The following ADARB1 variants were observed in gnomAD, a reference collection of about 807,000 sequenced individuals.
ADARB1 encodes double-stranded RNA-specific editase 1.
In ADARB1, 10 loss-of-function variants were observed where a neutral mutation model predicts 52.4. The observed-to-expected ratio is 0.19, with a 90% CI of 0.12 to 0.32. The LOEUF is 0.32. ADARB1 is among the 10% of genes least tolerant of loss of function. The pLI is 1.00. For synonymous variants in ADARB1, 349 were observed against 371.1 expected, an observed-to-expected ratio of 0.94 and a Z score of 0.68; for missense variants, 643 against 922.3, an observed-to-expected ratio of 0.70 and a Z score of 3.92.
chr21:45,170,318 G>A (rs2091429753), intron 2 of ADARB1, among the ~76,000 whole-genome samples: 1 of 152,280 alleles, frequency 6.6e-6, no homozygotes, highest in Middle Eastern at 3.4e-3. Flanking sequence ...AGCTGTTCAG[G>A]CAGTATTTAC....
chr21:45,185,229 A>C, intron 8 of ADARB1, 138 bp downstream of exon 8: 1 of 1,193,504 alleles, frequency 8.4e-7, no homozygotes, highest in Non-Finnish European at 1.2e-6. Flanking sequence ...TCTTTGAAGG[A>C]CTGAGGTTCT....
chr21:45,175,594 G>GTATACATGAAGAGT, intron 3 of ADARB1, 136 bp from the exon 4 acceptor site: 1 of 866,820 alleles, frequency 1.2e-6, no homozygotes, highest in Non-Finnish European at 1.8e-6. Flanking sequence ...AACTCTTCAT[G>GTATACATGAAGAGT]TATACATCAA....
At chr21:45,103,739 G>A (rs1315551004) in intron 1 of ADARB1, among the ~76,000 whole-genome samples, 2 of 152,120 alleles carry the variant, frequency 1.3e-5, no homozygotes, top group African/African-American at 4.8e-5. Context: ...AATAGAAAAT[G>A]GGTGTGGGGT....
chr21:45,167,176 C>T (rs2091287647), intron 2 of ADARB1, among the ~76,000 whole-genome samples: 1 of 152,210 alleles, frequency 6.6e-6, no homozygotes, highest in Non-Finnish European at 1.5e-5. Context: ...TGCCACCACA[C>T]TCGGCATGAC....
chr21:45,148,079 A>G (rs1410829790), intron 2 of ADARB1, among the ~76,000 whole-genome samples: 1 of 152,148 alleles, frequency 6.6e-6, no homozygotes, highest in Non-Finnish European at 1.5e-5. Flanking sequence ...AGCCCCCGTC[A>G]CAAGCTAAGC....
chr21:45,136,432 G>T (rs1449535049), intron 2 of ADARB1, among the ~76,000 whole-genome samples: 1 of 152,222 alleles, frequency 6.6e-6, no homozygotes, highest in African/African-American at 2.4e-5. Flanking sequence ...AACGTCAAGT[G>T]GTGCAGACAA....
chr21:45,082,612 A>G (rs955526073), intron 1 of ADARB1, among the ~76,000 whole-genome samples: 2 of 152,228 alleles, frequency 1.3e-5, no homozygotes, highest in African/African-American at 4.8e-5. Context: ...AACTGATGCT[A>G]AGGGGCTCAG....
At chr21:45,116,147 C>T (rs946421221) in intron 1 of ADARB1, among the ~76,000 whole-genome samples, 3 of 152,158 alleles carry the variant, frequency 2.0e-5, no homozygotes, top group South Asian at 2.1e-4. Flanking sequence ...GTCCCCAGGG[C>T]GAAATTCCTC....
chr21:45,133,805 C>T (rs1371197664), intron 2 of ADARB1: 10 of 208,334 alleles, frequency 4.8e-5, no homozygotes, highest in African/African-American at 8.7e-5. Context: ...GTGGTGTGTG[C>T]GCCCGATGGG....
intron 1 of ADARB1, among the ~76,000 whole-genome samples, chr21:45,093,791 A>G (rs1483741234): frequency 1.3e-5 from 2 of 152,234 alleles, no homozygotes; most frequent in African/African-American, 2.4e-5. Context: ...ATAAAGTCCC[A>G]GAACAGAATT....
chr21:45,186,015 C>T (rs1017329589), intron 8 of ADARB1, among the ~76,000 whole-genome samples: 4 of 152,350 alleles, frequency 2.6e-5, no homozygotes, highest in Admixed American at 6.5e-5. Context: ...GGCCATTGCC[C>T]ACAGCCCAGG....
chr21:45,124,787 A>ATGTGTGTGTGTGTGTATGTGTG (rs2088467511), intron 1 of ADARB1, among the ~76,000 whole-genome samples: 3 of 135,706 alleles, frequency 2.2e-5, no homozygotes, highest in Non-Finnish European at 4.9e-5. Flanking sequence ...GTGTGTGTGT[A>ATGTGTGTGTGTGTGTATGTGTG]TGTGTGTGTG....
intron 8 of ADARB1, among the ~76,000 whole-genome samples, chr21:45,195,119 A>G (rs1273713771): frequency 1.3e-5 from 2 of 152,220 alleles, no homozygotes; most frequent in African/African-American, 4.8e-5. Flanking sequence ...CACATGTAGT[A>G]GTATCTCGTT....
At chr21:45,110,684 C>T (rs2087492950) in intron 1 of ADARB1, among the ~76,000 whole-genome samples, 1 of 152,060 alleles carries the variant, frequency 6.6e-6, no homozygotes, top group Non-Finnish European at 1.5e-5. Flanking sequence ...TTAAATATTT[C>T]TAGTTATAGT....
intron 1 of ADARB1, among the ~76,000 whole-genome samples, chr21:45,077,049 C>T (rs2085967046): frequency 6.6e-6 from 1 of 152,212 alleles, no homozygotes; most frequent in Admixed American, 6.5e-5. Context: ...ATTGTCCTAG[C>T]AGGAGTCAAA....
At chr21:45,130,059 C>T (rs2088835193) in intron 2 of ADARB1, among the ~76,000 whole-genome samples, 1 of 152,102 alleles carries the variant, frequency 6.6e-6, no homozygotes, top group South Asian at 2.1e-4. Context: ...CACAGCGCTT[C>T]TTCTAGCTTA....
intron 1 of ADARB1, among the ~76,000 whole-genome samples, chr21:45,090,645 C>A (rs1219155532): frequency 6.6e-6 from 1 of 152,130 alleles, no homozygotes; most frequent in Admixed American, 6.5e-5. Context: ...TATCTGTGTG[C>A]ACTCACACAA....
intron 2 of ADARB1, among the ~76,000 whole-genome samples, chr21:45,160,830 G>A (rs1463156352): frequency 6.6e-6 from 1 of 152,120 alleles, no homozygotes; most frequent in East Asian, 1.9e-4. Context: ...CCTATTTTCT[G>A]TTAGGGTCAT....
chr21:45,197,440 T>G (rs1459026574), intron 8 of ADARB1, among the ~76,000 whole-genome samples: 1 of 147,586 alleles, frequency 6.8e-6, no homozygotes, highest in East Asian at 2.0e-4. Context: ...GTAGAGGTTG[T>G]GGTGAGCTGA....
Sources: allele counts gnomAD v4.1 joint callset (sites outside exome capture counted in the v4.1 genomes callset), GRCh38; gene constraint gnomAD v4.1.1; transcripts MANE v1.5; gene names NCBI Gene and HGNC (gene_info 2026-07-23, HGNC 2026-07-21).